Variants in ANO3 observed in about 807,000 individuals in gnomAD.
ANO3 encodes the protein anoctamin-3.
A neutral mutation model predicts 144.8 loss-of-function variants in ANO3; 99 were observed. The observed-to-expected ratio is 0.68, with a 90% CI of 0.58 to 0.81. ANO3 has a LOEUF of 0.81. ANO3 is among the 30% of genes least tolerant of loss of function. The pLI is 0.00. For synonymous variants in ANO3, 414 were observed against 392.6 expected, an observed-to-expected ratio of 1.05 and a Z score of -0.64; for missense variants, 905 against 1,202.2, an observed-to-expected ratio of 0.75 and a Z score of 3.66.
At chr11:26,542,121 G>T (rs1341607777) in intron 11 of ANO3, 53 bp downstream of exon 11, 18 of 1,562,456 alleles carry the variant, frequency 1.2e-5, no homozygotes, top group Non-Finnish European at 1.5e-5. Context: ...TTGTGTCATT[G>T]TCTTAGACTT....
intron 17 of ANO3, among the ~76,000 whole-genome samples, chr11:26,614,240 CTG>C (rs1181296186): frequency 7.9e-5 from 12 of 152,330 alleles, no homozygotes; most frequent in African/African-American, 2.6e-4. Flanking sequence ...GGTTGGCAGA[CTG>C]TGCAGTGTAG....
intron 23 of ANO3, among the ~76,000 whole-genome samples, chr11:26,646,508 A>G (rs1446697789): frequency 6.6e-6 from 1 of 152,122 alleles, no homozygotes; most frequent in Admixed American, 6.5e-5. Flanking sequence ...TTCCAGTCAC[A>G]CTGTAAAGGA....
At chr11:26,425,701 A>C (rs951736539) in intron 1 of ANO3, among the ~76,000 whole-genome samples, 6 of 152,092 alleles carry the variant, frequency 3.9e-5, no homozygotes, top group Non-Finnish European at 5.9e-5. Context: ...TTCATTCAAA[A>C]TTTGCTTTAA....
At chr11:26,517,928 A>G (rs1479315050) in intron 6 of ANO3, among the ~76,000 whole-genome samples, 5 of 152,038 alleles carry the variant, frequency 3.3e-5, no homozygotes. Context: ...AAGTGTTGGA[A>G]ACTACTAAGG....
intron 18 of ANO3, among the ~76,000 whole-genome samples, chr11:26,631,514 C>T (rs1453566170): frequency 6.6e-6 from 1 of 152,084 alleles, no homozygotes; most frequent in African/African-American, 2.4e-5. Flanking sequence ...ACCTATCTAT[C>T]CATCTATCTT....
At chr11:26,561,616 A>G (rs142693012) in intron 14 of ANO3, among the ~76,000 whole-genome samples, 1,937 of 152,050 alleles carry the variant, frequency 0.013, 47 homozygotes, top group African/African-American at 0.044. Context: ...AGTGAAGTCA[A>G]TAATTTTTAA....
At chr11:26,565,051 G>T in intron 14 of ANO3, 1 of 1,050,888 alleles carries the variant, frequency 9.5e-7, no homozygotes. Context: ...GAAAATCCAT[G>T]CTATTGTGTT....
chr11:26,379,831 T>C (rs927452359), intron 1 of ANO3, among the ~76,000 whole-genome samples: 3 of 152,018 alleles, frequency 2.0e-5, no homozygotes, highest in African/African-American at 7.2e-5. Flanking sequence ...TGGCATTTAT[T>C]GGTAGTAGAG....
At chr11:26,236,892 A>T (rs865943828) in intron 1 of ANO3, among the ~76,000 whole-genome samples, 2 of 151,798 alleles carry the variant, frequency 1.3e-5, no homozygotes, top group African/African-American at 4.8e-5. Context: ...TATCTATACC[A>T]CATTATAAAT....
chr11:26,196,617 G>A (rs1168457018), intron 1 of ANO3, among the ~76,000 whole-genome samples: 1 of 151,744 alleles, frequency 6.6e-6, no homozygotes, highest in Non-Finnish European at 1.5e-5. Context: ...CAGAGAGCTT[G>A]GACATTTTTT....
At chr11:26,522,563 G>A (rs917173254) in intron 6 of ANO3, among the ~76,000 whole-genome samples, 1 of 152,076 alleles carries the variant, frequency 6.6e-6, no homozygotes, top group Admixed American at 6.6e-5. Context: ...GAAAAATAAA[G>A]CACCGTACAT....
intron 4 of ANO3, among the ~76,000 whole-genome samples, chr11:26,484,416 G>A (rs1233031085): frequency 6.6e-6 from 1 of 152,186 alleles, no homozygotes; most frequent in Non-Finnish European, 1.5e-5. Flanking sequence ...GCTCCAGCAG[G>A]TGGAAGCCAC....
intron 4 of ANO3, among the ~76,000 whole-genome samples, chr11:26,502,452 C>T (rs1251305075): frequency 6.6e-6 from 1 of 152,076 alleles, no homozygotes; most frequent in Non-Finnish European, 1.5e-5. Flanking sequence ...ATACAGTTCT[C>T]AACACCTTAA....
At chr11:26,523,909 T>A (rs1181788680) in intron 6 of ANO3, among the ~76,000 whole-genome samples, 5 of 152,214 alleles carry the variant, frequency 3.3e-5, no homozygotes, top group Admixed American at 3.3e-4. Flanking sequence ...TAATTACAGT[T>A]GTAAACATTA....
intron 24 of ANO3, 87 bp from the exon 25 acceptor site, chr11:26,656,038 T>C: frequency 9.4e-7 from 1 of 1,067,610 alleles, no homozygotes; most frequent in Non-Finnish European, 1.4e-6. Flanking sequence ...GAATAATACA[T>C]TTGTAAAATC....
chr11:26,565,333 T>C lies in ANO3; in HGVS notation c.1447+5554T>C, dbSNP rs201972788. ...ATCAAGGGGGTCACAGATGGAGAAG[T>C]TGGTTCTGAAGAGAGGATGCTAACT... On this transcript the variant is annotated intron_variant, in intron 14 of 26. Coordinates refer to ENST00000256737, the MANE Select transcript of ANO3 (RefSeq NM_031418.4). 1.6e-5 allele frequency: 25 copies of C among 1,611,254 alleles called. No homozygotes were observed. Among genetic ancestry groups the C allele is most frequent in the Admixed American group, 5.0e-5 (3 of 59,742 alleles).
At chr11:26,282,877 C>T (rs552755416) in intron 1 of ANO3, among the ~76,000 whole-genome samples, 1 of 152,152 alleles carries the variant, frequency 6.6e-6, no homozygotes, top group Admixed American at 6.5e-5. Flanking sequence ...ATAAAACCCA[C>T]AAACATCATT....
At chr11:26,387,139 T>C (rs1396640909) in intron 1 of ANO3, among the ~76,000 whole-genome samples, 37 of 148,368 alleles carry the variant, frequency 2.5e-4, no homozygotes, top group African/African-American at 7.6e-4. Flanking sequence ...TATTTTTTTT[T>C]TTTTTTTTTT....
chr11:26,409,795 A>T (rs1857383793), intron 1 of ANO3, among the ~76,000 whole-genome samples: 1 of 151,976 alleles, frequency 6.6e-6, no homozygotes, highest in African/African-American at 2.4e-5. Flanking sequence ...AAGTGATGTG[A>T]CATCCTCCTT....
Sources: allele counts gnomAD v4.1 joint callset (sites outside exome capture counted in the v4.1 genomes callset), GRCh38; gene constraint gnomAD v4.1.1; transcripts MANE v1.5; gene names NCBI Gene and HGNC (gene_info 2026-07-23, HGNC 2026-07-21).